The following CALML4 variants were observed in gnomAD, a reference collection of about 807,000 sequenced individuals.
CALML4 encodes calmodulin-like protein 4.
CALML4 carries 16 observed loss-of-function variants against 17.9 expected under a neutral mutation model. The ratio of observed to expected loss-of-function variants is 0.89; its 90% CI spans 0.61 to 1.36. The LOEUF (loss-of-function observed/expected upper bound fraction) is 1.36, where lower values mean the gene tolerates loss of function less well. Ranked by LOEUF, CALML4 falls within the 40% of genes most tolerant of loss-of-function variation. CALML4 has a pLI of 0.00. For missense variants in CALML4, 203 were observed against 194.8 expected (o/e 1.04, Z -0.25); for synonymous variants, 86 against 71.5 (o/e 1.20, Z -1.02).
In CALML4 at chr15:68,194,006, TCTC is replaced by T. The variant is rs2093131860; in HGVS notation, c.*6_*8del. 1.3e-6 allele frequency: 2 copies of T among 1,597,292 alleles called. No individual in the cohort carries two copies. Among genetic ancestry groups the T allele is most frequent in the Admixed American group, 1.7e-5 (1 of 59,708 alleles). On this transcript the variant is annotated 3_prime_UTR_variant, in exon 5 of 5. Coordinates refer to ENST00000467889, the MANE Select transcript of CALML4 (RefSeq NM_033429.3). Reference sequence around the variant, plus strand: ...TCAGGCCCAGGGGAGGCTCTCCCATTCTCCTCCTTCAATAGTCCCGTCCAGGAA... The same window carrying T: ...TCAGGCCCAGGGGAGGCTCTCCCATTCTCCTTCAATAGTCCCGTCCAGGAA...
At position 68,205,036 on chromosome 15, in the gene CALML4, C is replaced by T; in HGVS notation, c.34+85G>A. The T allele has an allele frequency of 6.6e-7, 1 of 1,518,146 alleles. No individual in the cohort carries two copies. Among genetic ancestry groups the T allele is most frequent in the South Asian group, 1.1e-5 (1 of 88,042 alleles). The allele number at this position is 1,518,146 out of a possible 1,614,324, so 94.0% of individuals were successfully genotyped here. On this transcript the variant is annotated intron_variant, in intron 2 of 4. Transcript: ENST00000467889. The surrounding 1 kb of genome is among the most constrained non-coding windows in gnomAD (Gnocchi z 4.8). ...AGCTCTCCCACAGCCACCTTCCTTC[C>T]CACCAAGAAAACATGAGCAGAGCAA...
chr15:68,201,392 CAG>C (rs1203674604), intron 2 of CALML4, among the ~76,000 whole-genome samples: 11 of 152,246 alleles, frequency 7.2e-5, no homozygotes, highest in African/African-American at 1.7e-4. Flanking sequence ...CACCTCACGT[CAG>C]GGGGACAGAG....
Position 68,199,547 on chromosome 15 carries a change from C to T in CALML4, c.169G>A (p.Gly57Arg), listed in dbSNP as rs764702099. ...TGTTCCCACCACCACTCACCTATCCCGTGGGTCTGCAGGTGCCGCTGCACC... is the reference window on the plus strand; with the variant it reads ...TGTTCCCACCACCACTCACCTATCCTGTGGGTCTGCAGGTGCCGCTGCACC... Reference protein sequence around the residue: ...GEVQRHLQTHGIDGNGELDFS... With the variant: ...GEVQRHLQTHRIDGNGELDFS... Residue 57 changes from glycine to arginine, a missense_variant, in exon 3 of 5, where the codon GGG (glycine) becomes AGG (arginine). Physicochemically the swap from Gly to Arg is moderately radical, Grantham distance 125. Transcript: ENST00000467889. 9 of 1,612,980 alleles carry T rather than the reference C, an allele frequency of 5.6e-6. No homozygotes were observed. The African/African-American group carries it at 6.7e-5, about 12-fold the overall frequency.
chr15:68,199,755 C>T (rs1428242628), intron 2 of CALML4, 74 bp from the exon 3 acceptor site: 2 of 1,490,542 alleles, frequency 1.3e-6, no homozygotes, highest in Non-Finnish European at 1.8e-6. Flanking sequence ...CATCCTTAGT[C>T]TCTTCTCCCT....
chr15:68,205,597 G>T (rs1263695061), upstream of CALML4: 2 of 574,656 alleles, frequency 3.5e-6, no homozygotes, highest in Non-Finnish European at 6.1e-6. This position sits in a 1 kb window ranked among gnomAD's most constrained non-coding sequence, Gnocchi z 4.8. Context: ...TCTCTCCTGG[G>T]ACTCGGCGGG....
At chr15:68,203,916 G>A (rs532146684) in intron 2 of CALML4, among the ~76,000 whole-genome samples, 1 of 152,278 alleles carries the variant, frequency 6.6e-6, no homozygotes, top group East Asian at 1.9e-4. Flanking sequence ...CCTTCTGGGA[G>A]CTTTGGCTAT....
At chr15:68,195,995 AG>A (rs2093142761) in intron 4 of CALML4, among the ~76,000 whole-genome samples, 1 of 152,180 alleles carries the variant, frequency 6.6e-6, no homozygotes, top group Non-Finnish European at 1.5e-5. Flanking sequence ...ATGTGAAAAC[AG>A]CCACGAGAGG....
chr15:68,198,247 C>A (rs1336048624), intron 3 of CALML4: 1 of 152,358 alleles, frequency 6.6e-6, no homozygotes, highest in African/African-American at 2.4e-5. Context: ...TCTCAGGTAT[C>A]AGACCACTGA....
chr15:68,204,958 C>T lies in CALML4; in HGVS notation c.34+163G>A, dbSNP rs1477626456. Among the ~76,000 whole-genome samples the T allele has an allele frequency of 1.3e-5, 2 of 152,120 alleles. No homozygotes were observed. The highest frequency in any genetic ancestry group is 3.9e-4 in the East Asian group (2 of 5,192). The stretch of plus-strand genomic sequence containing the variant: ...GTCTATTTTGGAGGCTTACCCCCAA[C>T]CCCCACCCCGCCAACAGCAGCCTCC... On this transcript the variant is annotated intron_variant, in intron 2 of 4. Transcript: ENST00000467889. This position sits in a 1 kb window ranked among gnomAD's most constrained non-coding sequence, Gnocchi z 6.0.
chr15:68,199,342 T>C (rs2141126983), intron 3 of CALML4, among the ~76,000 whole-genome samples, 199 bp downstream of exon 3: 1 of 152,244 alleles, frequency 6.6e-6, no homozygotes, highest in South Asian at 2.1e-4. Context: ...GTCTGTGAGA[T>C]GGGGTATCAC....
At chr15:68,199,861 C>T in intron 2 of CALML4, 180 bp from the exon 3 acceptor site, 2 of 550,230 alleles carry the variant, frequency 3.6e-6, no homozygotes, top group Non-Finnish European at 6.1e-6. Context: ...CCAAGTTAAA[C>T]CGAATTCAGA....
At position 68,205,009 on chromosome 15, in the gene CALML4, C is replaced by A. The variant is rs562196968; in HGVS notation, c.34+112G>T. ...CCGCAGCTCTTGGCCCTGGGTGGGC[C>A]CAGCTCTCCCACAGCCACCTTCCTT... is the stretch of plus-strand genomic sequence containing the variant. On this transcript the variant is annotated intron_variant, in intron 2 of 4. Coordinates refer to ENST00000467889, the MANE Select transcript of CALML4 (RefSeq NM_033429.3). This position sits in a 1 kb window ranked among gnomAD's most constrained non-coding sequence, Gnocchi z 4.8. 5 of 1,325,504 alleles carry A rather than the reference C, an allele frequency of 3.8e-6. No individual in the cohort carries two copies. The East Asian group carries it at 1.2e-4, about 31-fold the overall frequency. 82.1% of individuals were successfully genotyped at this position (1,325,504 alleles called of 1,614,324 possible). A position where few individuals can be genotyped will look rare whatever the true frequency, so the allele number is the denominator to read the frequency against.
chr15:68,195,291 A>G (rs928452208), intron 4 of CALML4, among the ~76,000 whole-genome samples: 1 of 152,178 alleles, frequency 6.6e-6, no homozygotes, highest in Non-Finnish European at 1.5e-5. Context: ...ATATCCTGTG[A>G]TTCTCTGCTT....
At chr15:68,203,909 T>TA (rs940912218) in intron 2 of CALML4, among the ~76,000 whole-genome samples, 2 of 152,214 alleles carry the variant, frequency 1.3e-5, no homozygotes, top group Non-Finnish European at 2.9e-5. Context: ...CTTCTTCCCT[T>TA]CTGGGAGCTT....
intron 2 of CALML4, among the ~76,000 whole-genome samples, chr15:68,201,541 C>A (rs2093165652): frequency 6.6e-6 from 1 of 152,200 alleles, no homozygotes; most frequent in Non-Finnish European, 1.5e-5. Context: ...CCACTGCTCT[C>A]CCTGCCTGAC....
rs1270488714 is a variant in CALML4, at chr15:68,191,946, G to T, written c.*2069C>A. On this transcript the variant is annotated 3_prime_UTR_variant, in exon 5 of 5. Transcript: ENST00000467889. ...AATGACCATTCCACACCAACTGTGT[G>T]TTTTTGGCAAGTTATATTTCAGATT... 2 of 152,196 alleles carry T rather than the reference G, an allele frequency of 1.3e-5. No individual in the cohort carries two copies. The highest frequency in any genetic ancestry group is 4.8e-5 in the African/African-American group (2 of 41,444). The allele number at this position is 152,196 out of a possible 1,614,324, so 9.4% of individuals were successfully genotyped here. A position where few individuals can be genotyped will look rare whatever the true frequency, so the allele number is the denominator to read the frequency against.
rs566138251 is a variant in CALML4, at chr15:68,199,585, G to A, written c.131C>T (p.Pro44Leu). Residue 44 changes from proline (P) to leucine (L), a missense_variant, in exon 3 of 5, where the codon CCG becomes CTG. Coordinates refer to ENST00000467889, the MANE Select transcript of CALML4 (RefSeq NM_033429.3). ...GTGCCGCTGCACCTCCCCTGGCGTC[G>A]GGCTGGCCCCCAGGCACCTCATGGC... Reference protein sequence around the residue: ...MVAMRCLGASPTPGEVQRHLQ... With the variant: ...MVAMRCLGASLTPGEVQRHLQ... 2.4e-5 allele frequency: 38 copies of A among 1,613,590 alleles called. No homozygotes were observed. The highest frequency in any genetic ancestry group is 1.5e-4 in the South Asian group (14 of 91,052).
intron 3 of CALML4, 43 bp downstream of exon 3, chr15:68,199,498 G>A: frequency 6.3e-7 from 1 of 1,581,626 alleles, no homozygotes; most frequent in Non-Finnish European, 8.6e-7. Flanking sequence ...GCACCCACCT[G>A]CTGGGCCCCT....
At chr15:68,198,862 A>G (rs1259262504) in intron 3 of CALML4, among the ~76,000 whole-genome samples, 4 of 152,068 alleles carry the variant, frequency 2.6e-5, no homozygotes, top group Non-Finnish European at 4.4e-5. Context: ...CTTTGCTTGT[A>G]AAATGGAGTT....
Sources: gnomAD v4.1 joint callset for allele counts (sites outside exome capture counted in the v4.1 genomes callset) on GRCh38, gnomAD v4.1.1 for gene constraint, Gnocchi (gnomAD v3.1) non-coding constraint, MANE v1.5 for transcripts, NCBI Gene and HGNC (gene_info 2026-07-23, HGNC 2026-07-21) for gene names.